Variants in CTDSPL observed in about 807,000 individuals in gnomAD.
The protein encoded by CTDSPL is CTD small phosphatase like.
In CTDSPL, 8 loss-of-function variants were observed where a neutral mutation model predicts 30.5. That is an observed-to-expected ratio of 0.26 (90% CI 0.15 to 0.47). CTDSPL has a LOEUF of 0.47. Ranked by LOEUF, CTDSPL falls within the 20% of genes least tolerant of loss-of-function variation. The probability of loss-of-function intolerance (pLI) is 0.99; values close to 1 mark genes in which losing one functional copy is unlikely to be tolerated. For missense variants in CTDSPL, 248 were observed against 366.1 expected (o/e 0.68, Z 2.63); for synonymous variants, 110 against 137.9 (o/e 0.80, Z 1.42).
intron 1 of CTDSPL, among the ~76,000 whole-genome samples, chr3:37,933,601 T>G (rs901691497): frequency 1.3e-5 from 2 of 152,186 alleles, no homozygotes; most frequent in Non-Finnish European, 2.9e-5. Flanking sequence ...TTGAACAAAC[T>G]CCACTCTTTA....
intron 1 of CTDSPL, among the ~76,000 whole-genome samples, chr3:37,864,417 T>G (rs1697983535): frequency 6.6e-6 from 1 of 152,246 alleles, no homozygotes; most frequent in African/African-American, 2.4e-5. Context: ...TTTTATTATC[T>G]TTAGCAGCCT....
rs114453306 is a variant in CTDSPL at position 37,975,790 on chromosome 3, C to T, written c.601C>T (p.Arg201Cys). ...CTTCAGAGAATCATGTGTTTTTCATCGTGGGAACTACGTGAAGGACCTGAG... is the reference window on the plus strand; with the variant it reads ...CTTCAGAGAATCATGTGTTTTTCATTGTGGGAACTACGTGAAGGACCTGAG... Reference protein sequence around the residue: ...RLFRESCVFHRGNYVKDLSRL... With the variant: ...RLFRESCVFHCGNYVKDLSRL... The change falls in exon 7 of 8, where the codon CGT (arginine) becomes TGT (cysteine). Residue 201 changes from arginine to cysteine, a missense_variant. This residue lies in a region of CTDSPL where 84 missense variants were observed against 139.4 expected (regional missense o/e 0.60). Coordinates refer to ENST00000273179, the MANE Select transcript of CTDSPL (RefSeq NM_001008392.2). The surrounding 1 kb of genome is among the most constrained non-coding windows in gnomAD (Gnocchi z 4.9). 9.2e-5 allele frequency: 149 copies of T among 1,614,042 alleles called. 2 individuals are homozygous for T. The East Asian group carries it at 2.9e-3, about 31-fold the overall frequency.
At chr3:37,927,131 G>C (rs1698789813) in intron 1 of CTDSPL, among the ~76,000 whole-genome samples, 1 of 152,006 alleles carries the variant, frequency 6.6e-6, no homozygotes, top group South Asian at 2.1e-4. Context: ...TTCCACACCT[G>C]ACCTCATGAT....
chr3:37,945,544 A>T (rs1699025843), intron 1 of CTDSPL, among the ~76,000 whole-genome samples: 1 of 152,258 alleles, frequency 6.6e-6, no homozygotes, highest in Non-Finnish European at 1.5e-5. Context: ...ATCTCTTCCC[A>T]CACTGCCACT....
At position 37,947,096 on chromosome 3, in the gene CTDSPL, G is replaced by T; in HGVS notation, c.119G>T (p.Arg40Leu). 6.2e-7 allele frequency: 1 copy of T among 1,613,844 alleles called. No homozygotes were observed. The highest frequency in any genetic ancestry group is 2.2e-5 in the East Asian group (1 of 44,892). The change falls in exon 2 of 8, where the codon CGC becomes CTC. Residue 40 changes from arginine to leucine, a missense_variant. Arg to Leu is a moderately radical substitution (Grantham distance 102). Transcript: ENST00000273179. Reference sequence around the variant, plus strand: ...GTCAGCTTAAAGAAGCAGAGGAGCCGCAGCATCCTTAGCTCCTTCTTCTGC... The same window carrying T: ...GTCAGCTTAAAGAAGCAGAGGAGCCTCAGCATCCTTAGCTCCTTCTTCTGC... Reference protein sequence around the residue: ...CNVSLKKQRSRSILSSFFCCF... With the variant: ...CNVSLKKQRSLSILSSFFCCF...
At chr3:37,903,103 G>A (rs1381343263) in intron 1 of CTDSPL, among the ~76,000 whole-genome samples, 1 of 152,190 alleles carries the variant, frequency 6.6e-6, no homozygotes, top group African/African-American at 2.4e-5. Context: ...GCCAAGCACA[G>A]GCCTTGGCCT....
At chr3:37,955,369 G>T (rs932645305) in intron 2 of CTDSPL, among the ~76,000 whole-genome samples, 1 of 152,208 alleles carries the variant, frequency 6.6e-6, no homozygotes, top group Non-Finnish European at 1.5e-5. Flanking sequence ...TGAGGCCGCA[G>T]TGAGCCGTGA....
At chr3:37,909,565 G>A (rs898544548) in intron 1 of CTDSPL, among the ~76,000 whole-genome samples, 6 of 152,244 alleles carry the variant, frequency 3.9e-5, no homozygotes, top group Non-Finnish European at 8.8e-5. Flanking sequence ...GAACAGTGGA[G>A]CTGTTGTTCT....
intron 1 of CTDSPL, among the ~76,000 whole-genome samples, chr3:37,892,488 A>G (rs1028001153): frequency 3.9e-5 from 6 of 152,162 alleles, no homozygotes; most frequent in African/African-American, 1.4e-4. Context: ...TTAAAATGGC[A>G]TTAGCTATTT....
At chr3:37,898,528 T>C (rs989911081) in intron 1 of CTDSPL, among the ~76,000 whole-genome samples, 2 of 152,194 alleles carry the variant, frequency 1.3e-5, no homozygotes, top group African/African-American at 4.8e-5. Flanking sequence ...ACTAGTGCCA[T>C]CTATTGAGTG....
chr3:37,980,984 G>A lies in CTDSPL; in HGVS notation c.*117G>A. On this transcript the variant is annotated 3_prime_UTR_variant, in exon 8 of 8. Coordinates refer to ENST00000273179, the MANE Select transcript of CTDSPL (RefSeq NM_001008392.2). ...AGGATACTCCGTGCTCCAGGCCACAGGGTGAATGTGGCCATGCCTACCTGT... is the reference window on the plus strand; with the variant it reads ...AGGATACTCCGTGCTCCAGGCCACAAGGTGAATGTGGCCATGCCTACCTGT... 1 of 1,233,190 alleles carries A rather than the reference G, an allele frequency of 8.1e-7. No individual in the cohort carries two copies. The highest frequency in any genetic ancestry group is 1.1e-6 in the Non-Finnish European group (1 of 916,206). 76.4% of individuals were successfully genotyped at this position (1,233,190 alleles called of 1,614,324 possible).
intron 1 of CTDSPL, among the ~76,000 whole-genome samples, chr3:37,890,008 A>T (rs970756546): frequency 1.1e-4 from 16 of 152,224 alleles, no homozygotes; most frequent in Non-Finnish European, 1.6e-4. Flanking sequence ...TAAGTACTTC[A>T]TCAAAATGAG....
At chr3:37,886,751 C>T (rs1048492896) in intron 1 of CTDSPL, among the ~76,000 whole-genome samples, 28 of 152,174 alleles carry the variant, frequency 1.8e-4, no homozygotes, top group African/African-American at 6.3e-4. Flanking sequence ...CAGGAAGCCC[C>T]AGAGACCAAA....
At chr3:37,872,217 A>G (rs1377449753) in intron 1 of CTDSPL, among the ~76,000 whole-genome samples, 1 of 152,134 alleles carries the variant, frequency 6.6e-6, no homozygotes, top group East Asian at 1.9e-4. Flanking sequence ...GGCTTTAAAC[A>G]TGCTCCTAAT....
intron 1 of CTDSPL, among the ~76,000 whole-genome samples, chr3:37,879,367 T>A (rs920968368): frequency 7.9e-5 from 12 of 152,152 alleles, no homozygotes; most frequent in African/African-American, 2.9e-4. Flanking sequence ...CCAGACAACC[T>A]CCAAGGGGCT....
chr3:37,977,574 A>AT (rs925724763), intron 7 of CTDSPL, among the ~76,000 whole-genome samples: 2,735 of 140,146 alleles, frequency 0.02, 56 homozygotes, highest in South Asian at 0.063. Context: ...ATTAGATTCG[A>AT]TTTTTTTTTT....
intron 1 of CTDSPL, among the ~76,000 whole-genome samples, chr3:37,881,021 C>CAAA (rs200179594): frequency 1.2e-5 from 1 of 84,234 alleles, no homozygotes; most frequent in African/African-American, 4.3e-5. Context: ...TGAGGGGGAC[C>CAAA]AAAAAAAAAA....
chr3:37,894,152 G>A (rs73056981), intron 1 of CTDSPL, among the ~76,000 whole-genome samples: 3,410 of 152,208 alleles, frequency 0.022, 54 homozygotes, highest in Non-Finnish European at 0.034. Context: ...CACAATCGTA[G>A]CTCACTGCAG....
At chr3:37,979,771 C>A (rs1243401623) in intron 7 of CTDSPL, among the ~76,000 whole-genome samples, 2 of 152,176 alleles carry the variant, frequency 1.3e-5, no homozygotes, top group African/African-American at 4.8e-5. Flanking sequence ...CACACACACA[C>A]ACAAATCACT....
Sources: allele counts gnomAD v4.1 joint callset (sites outside exome capture counted in the v4.1 genomes callset), GRCh38; gene constraint gnomAD v4.1.1; regional missense constraint gnomAD v4.1.1; non-coding constraint Gnocchi (gnomAD v3.1); transcripts MANE v1.5; gene names NCBI Gene and HGNC (gene_info 2026-07-23, HGNC 2026-07-21).